The following ABLIM1 variants were observed in gnomAD, a reference collection of about 807,000 sequenced individuals.
ABLIM1 encodes the protein actin-binding LIM protein 1.
Under a neutral mutation model 107.0 loss-of-function variants are expected in ABLIM1, and 40 were observed. The observed-to-expected ratio is 0.37, with a 90% CI of 0.29 to 0.49. The LOEUF (loss-of-function observed/expected upper bound fraction) is 0.49. Ranked by LOEUF, ABLIM1 falls within the 20% of genes least tolerant of loss-of-function variation. The pLI, the probability that ABLIM1 is intolerant of heterozygous loss-of-function variation, is 0.97. For missense variants in ABLIM1, 857 were observed against 1,008.5 expected (o/e 0.85, Z 2.04); for synonymous variants, 357 against 357.3 (o/e 1.00, Z 0.01).
intron 1 of ABLIM1, among the ~76,000 whole-genome samples, chr10:114,737,630 A>G (rs2082206298): frequency 6.6e-6 from 1 of 152,200 alleles, no homozygotes; most frequent in Admixed American, 6.5e-5. Context: ...AATTTTTTTC[A>G]AGAATTTTTA....
intron 1 of ABLIM1, among the ~76,000 whole-genome samples, chr10:114,677,578 T>A (rs1471930327): frequency 6.6e-6 from 1 of 152,010 alleles, no homozygotes; most frequent in Non-Finnish European, 1.5e-5. Context: ...TTTAAGACCA[T>A]CCTGGCCAAC....
At chr10:114,784,315 C>T in the ABLIM1 span, among the ~76,000 whole-genome samples, 31 of 140,972 alleles carry the variant, frequency 2.2e-4, no homozygotes, top group Non-Finnish European at 4.0e-4. Flanking sequence ...CACTGCACTC[C>T]AGCCTGGGCA....
At chr10:114,768,077 G>A (rs113312774), upstream of ABLIM1, 3,136 of 429,768 alleles carry the variant, frequency 7.3e-3, 85 homozygotes, top group African/African-American at 0.061. Context: ...CGGACATGGT[G>A]CAGGCAGCGG....
intron 2 of ABLIM1, among the ~76,000 whole-genome samples, chr10:114,598,839 T>G (rs1183830270): frequency 6.6e-6 from 1 of 152,174 alleles, no homozygotes; most frequent in Non-Finnish European, 1.5e-5. Flanking sequence ...GGCTTGCATT[T>G]TTTTTTTAAT....
chr10:114,543,810 C>CCTCACCT (rs1188416056), intron 6 of ABLIM1, among the ~76,000 whole-genome samples: 2 of 152,208 alleles, frequency 1.3e-5, no homozygotes, highest in Non-Finnish European at 2.9e-5. Flanking sequence ...CTGTGCTTTT[C>CCTCACCT]CTCACCTCTG....
At chr10:114,505,834 A>G (rs949939484) in intron 6 of ABLIM1, among the ~76,000 whole-genome samples, 1 of 152,054 alleles carries the variant, frequency 6.6e-6, no homozygotes, top group Non-Finnish European at 1.5e-5. Flanking sequence ...TTCCTTCCTC[A>G]GTATTTCTAT....
At chr10:114,732,180 C>CT (rs113276247) in intron 1 of ABLIM1, among the ~76,000 whole-genome samples, 2,300 of 109,820 alleles carry the variant, frequency 0.021, 87 homozygotes, top group Middle Eastern at 0.049. Context: ...CTTTTCTTTT[C>CT]TTTTTTTTTT....
intron 19 of ABLIM1, 54 bp from the exon 20 acceptor site, chr10:114,440,143 G>A: frequency 6.5e-7 from 1 of 1,533,772 alleles, no homozygotes; most frequent in Non-Finnish European, 9.0e-7. Flanking sequence ...GGAAAAGCAA[G>A]GAACCATTCA....
At chr10:114,646,511 C>T (rs1425659395) in intron 1 of ABLIM1, among the ~76,000 whole-genome samples, 2 of 152,326 alleles carry the variant, frequency 1.3e-5, no homozygotes, top group Non-Finnish European at 2.9e-5. Flanking sequence ...CCTCAACAAC[C>T]TTACATCTAA....
intron 12 of ABLIM1, among the ~76,000 whole-genome samples, chr10:114,454,313 A>G (rs777811749): frequency 3.9e-5 from 6 of 152,182 alleles, no homozygotes; most frequent in Non-Finnish European, 8.8e-5. Flanking sequence ...GCAATTGTTT[A>G]CTCTGAGGTA....
intron 2 of ABLIM1, among the ~76,000 whole-genome samples, chr10:114,580,477 T>G: frequency 6.6e-6 from 1 of 152,160 alleles, no homozygotes; most frequent in East Asian, 1.9e-4. Context: ...CCTCCCAAAC[T>G]GTTGGGAATA....
chr10:114,769,377 AG>A (rs2082979466), upstream of ABLIM1, among the ~76,000 whole-genome samples: 1 of 147,808 alleles, frequency 6.8e-6, no homozygotes, highest in South Asian at 2.2e-4. Context: ...AAAGAGAGAA[AG>A]AGACAGACAA....
chr10:114,546,797 T>C (rs943668315), intron 5 of ABLIM1, among the ~76,000 whole-genome samples: 1 of 152,214 alleles, frequency 6.6e-6, no homozygotes, highest in African/African-American at 2.4e-5. Flanking sequence ...TGTTTATTTT[T>C]TGAGACAAGG....
At chr10:114,678,624 G>C (rs1346317212) in intron 1 of ABLIM1, among the ~76,000 whole-genome samples, 5 of 152,160 alleles carry the variant, frequency 3.3e-5, no homozygotes, top group African/African-American at 1.2e-4. Context: ...AGACCATTTG[G>C]CTCACAAAGA....
the ABLIM1 span, among the ~76,000 whole-genome samples, chr10:114,785,935 G>T: frequency 4.6e-5 from 7 of 152,122 alleles, no homozygotes; most frequent in Non-Finnish European, 8.8e-5. Context: ...CACCGTGTTG[G>T]CCAGGCTGGA....
chr10:114,797,565 A>G, the ABLIM1 span, among the ~76,000 whole-genome samples: 1 of 152,146 alleles, frequency 6.6e-6, no homozygotes, highest in African/African-American at 2.4e-5. Context: ...TTTTTAACCC[A>G]GTGCAATCTC....
intron 6 of ABLIM1, among the ~76,000 whole-genome samples, chr10:114,533,846 T>G (rs539961567): frequency 1.6e-4 from 25 of 152,194 alleles, no homozygotes; most frequent in Middle Eastern, 3.4e-3. Context: ...CCAGCTAAGT[T>G]TTTAAATTTT....
intron 1 of ABLIM1, among the ~76,000 whole-genome samples, chr10:114,670,569 C>T (rs1242979002): frequency 2.0e-5 from 3 of 152,198 alleles, no homozygotes; most frequent in Non-Finnish European, 4.4e-5. Flanking sequence ...TCTTGGCTCA[C>T]TGCAACCTCC....
chr10:114,525,792 T>C (rs1337081670), intron 6 of ABLIM1, among the ~76,000 whole-genome samples: 1 of 152,254 alleles, frequency 6.6e-6, no homozygotes, highest in African/African-American at 2.4e-5. Context: ...GAAGCTGCTA[T>C]AGCGACCACA....
Sources: allele counts gnomAD v4.1 joint callset (sites outside exome capture counted in the v4.1 genomes callset), GRCh38; gene constraint gnomAD v4.1.1; transcripts MANE v1.5; gene names NCBI Gene and HGNC (gene_info 2026-07-23, HGNC 2026-07-21).